PRELID2: variants seen among roughly 807,000 people sequenced by gnomAD.
PRELID2 encodes PRELI domain containing 2, also known as PRELI domain-containing protein 2.
PRELID2 carries 25 observed loss-of-function variants against 28.4 expected under a neutral mutation model. That is an observed-to-expected ratio of 0.88 (90% CI 0.64 to 1.23). The LOEUF (loss-of-function observed/expected upper bound fraction) is 1.23. PRELID2 is among the 50% of genes most tolerant of loss of function. The pLI is 0.00. For missense variants in PRELID2, 201 were observed against 214.4 expected, an observed-to-expected ratio of 0.94 and a Z score of 0.39; for synonymous variants, 76 against 71.6, an observed-to-expected ratio of 1.06 and a Z score of -0.31.
chr5:145,829,556 G>A (rs936158091), intron 1 of PRELID2, among the ~76,000 whole-genome samples: 1 of 152,176 alleles, frequency 6.6e-6, no homozygotes, highest in Non-Finnish European at 1.5e-5. Context: ...AGAAGACAGT[G>A]ATTATTATTC....
intron 1 of PRELID2, among the ~76,000 whole-genome samples, chr5:145,557,177 A>G (rs1266058944): frequency 3.3e-5 from 5 of 152,214 alleles, no homozygotes; most frequent in African/African-American, 9.6e-5. Context: ...AATGACTAGA[A>G]TTGGTAAGAA....
At chr5:145,409,583 A>G in the PRELID2 span, among the ~76,000 whole-genome samples, 1 of 152,220 alleles carries the variant, frequency 6.6e-6, no homozygotes, top group Admixed American at 6.5e-5. Flanking sequence ...TTCTTATATC[A>G]GACTAAAGAG....
At chr5:145,666,356 G>A (rs182748644) in intron 1 of PRELID2, among the ~76,000 whole-genome samples, 9 of 152,210 alleles carry the variant, frequency 5.9e-5, no homozygotes, top group Admixed American at 2.6e-4. Flanking sequence ...CTCCATCGCT[G>A]AAGCAGGAAG....
At chr5:145,251,230 C>T in the PRELID2 span, among the ~76,000 whole-genome samples, 19 of 152,108 alleles carry the variant, frequency 1.2e-4, no homozygotes, top group South Asian at 4.1e-4. Flanking sequence ...GGGAGGCATA[C>T]TCCAGGCTAG....
intron 1 of PRELID2, chr5:145,473,424 A>G (rs1451028504): frequency 1.3e-5 from 2 of 152,330 alleles, no homozygotes; most frequent in Admixed American, 6.5e-5. Context: ...AGTAGTTATC[A>G]TCATCATCAT....
chr5:145,762,495 C>T (rs1288451637), intron 6 of PRELID2, among the ~76,000 whole-genome samples: 1 of 151,744 alleles, frequency 6.6e-6, no homozygotes, highest in Non-Finnish European at 1.5e-5. Flanking sequence ...CGTGATTGCG[C>T]TACTGCACCC....
chr5:145,695,717 G>A (rs956502970), intron 1 of PRELID2, among the ~76,000 whole-genome samples: 5 of 152,276 alleles, frequency 3.3e-5, no homozygotes, highest in Middle Eastern at 3.4e-3. Flanking sequence ...CCCTGCTTAG[G>A]TGGGCCCTTC....
At chr5:145,421,908 G>A in the PRELID2 span, among the ~76,000 whole-genome samples, 244 of 151,686 alleles carry the variant, frequency 1.6e-3, 1 homozygote, top group African/African-American at 5.6e-3. Context: ...CTTTGAATGC[G>A]TCCCAGAGAT....
At chr5:145,493,702 G>T (rs532526639) in intron 1 of PRELID2, among the ~76,000 whole-genome samples, 1 of 151,742 alleles carries the variant, frequency 6.6e-6, no homozygotes, top group Non-Finnish European at 1.5e-5. Flanking sequence ...TTCCTTCTCC[G>T]CCTCTTCCAC....
intron 1 of PRELID2, among the ~76,000 whole-genome samples, chr5:145,528,321 T>G (rs1452443801): frequency 6.6e-6 from 1 of 152,142 alleles, no homozygotes; most frequent in Non-Finnish European, 1.5e-5. Context: ...TCAGTACTTA[T>G]CACAGTCCTA....
the PRELID2 span, among the ~76,000 whole-genome samples, chr5:145,416,096 T>C: frequency 6.6e-6 from 1 of 152,126 alleles, no homozygotes; most frequent in African/African-American, 2.4e-5. Context: ...GAAGTGTCTG[T>C]TCATATCCTT....
the PRELID2 span, among the ~76,000 whole-genome samples, chr5:145,383,555 G>A: frequency 1.3e-5 from 2 of 150,004 alleles, no homozygotes; most frequent in Non-Finnish European, 1.5e-5. Context: ...CATCAAAGAA[G>A]CCAATGCACT....
the PRELID2 span, among the ~76,000 whole-genome samples, chr5:145,320,303 C>T: frequency 1.8e-4 from 28 of 151,656 alleles, no homozygotes; most frequent in African/African-American, 6.8e-4. Flanking sequence ...CGGAGTCTCG[C>T]TCTGTCGCCC....
intron 1 of PRELID2, among the ~76,000 whole-genome samples, chr5:145,593,509 A>G (rs1753259776): frequency 6.6e-6 from 1 of 152,232 alleles, no homozygotes; most frequent in African/African-American, 2.4e-5. Context: ...GTTTTAAAAT[A>G]TGAATTTATA....
intron 4 of PRELID2, among the ~76,000 whole-genome samples, chr5:145,809,112 C>G (rs1408715515): frequency 3.4e-5 from 5 of 147,320 alleles, no homozygotes; most frequent in Non-Finnish European, 7.4e-5. Context: ...TCTGGGTTCA[C>G]TGTAATCTCC....
At chr5:145,765,804 T>A (rs1757715474) in intron 5 of PRELID2, among the ~76,000 whole-genome samples, 1 of 152,146 alleles carries the variant, frequency 6.6e-6, no homozygotes, top group Admixed American at 6.5e-5. Context: ...GACACCTTAA[T>A]ACACATAAAA....
intron 1 of PRELID2, among the ~76,000 whole-genome samples, chr5:145,575,156 C>T (rs550113866): frequency 1.3e-4 from 20 of 152,134 alleles, no homozygotes; most frequent in Non-Finnish European, 2.1e-4. Context: ...TCAGGGCAAA[C>T]GCTTCTTCTA....
chr5:145,324,119 G>A, the PRELID2 span, among the ~76,000 whole-genome samples: 1 of 152,078 alleles, frequency 6.6e-6, no homozygotes, highest in Non-Finnish European at 1.5e-5. Flanking sequence ...CAAAGAATTC[G>A]GACTAATGGG....
At chr5:145,309,449 T>C in the PRELID2 span, among the ~76,000 whole-genome samples, 1 of 152,184 alleles carries the variant, frequency 6.6e-6, no homozygotes, top group Non-Finnish European at 1.5e-5. Context: ...GATTGCAGAA[T>C]AGCTAAGCTA....
Sources: gnomAD v4.1 joint callset for allele counts (sites outside exome capture counted in the v4.1 genomes callset) on GRCh38, gnomAD v4.1.1 for gene constraint, MANE v1.5 for transcripts, NCBI Gene and HGNC (gene_info 2026-07-23, HGNC 2026-07-21) for gene names.